SLC35E2B: variants seen among roughly 807,000 people sequenced by gnomAD.
SLC35E2B encodes solute carrier family 35, member E2B.
In SLC35E2B, 18 loss-of-function variants were observed where a neutral mutation model predicts 32.4. That is an observed-to-expected ratio of 0.56 (90% confidence interval 0.38 to 0.82). The LOEUF (loss-of-function observed/expected upper bound fraction) is 0.82, where lower values mean the gene tolerates loss of function less well. Among genes scored for constraint, SLC35E2B ranks in the 40% least tolerant of loss-of-function variants. The pLI is 0.00. For synonymous variants in SLC35E2B, 132 were observed against 209.1 expected (o/e 0.63, Z 3.18); for missense variants, 263 against 469.5 (o/e 0.56, Z 4.06).
In SLC35E2B at chr1:1,665,808, G is replaced by A. The variant is rs1643526638; in HGVS notation, c.1192C>T (p.Pro398Ser). The A allele has an allele frequency of 6.4e-7, 1 of 1,550,884 alleles. No homozygotes were observed. The highest frequency in any genetic ancestry group is 8.7e-7 in the Non-Finnish European group (1 of 1,146,946). ...CAGGGATGCTGCCTGGGGTCCTGTG[G>A]AAGCAGCGGCTCCACTGTGTCGTCT... ...APDDTVEPLL[P>S]QDPRQHP is the part of the protein sequence containing the mutation. The change falls in exon 10 of 10, where the codon CCA (proline) becomes TCA (serine). Residue 398 changes from proline to serine, a missense_variant. Physicochemically the swap from Pro to Ser is moderately conservative, Grantham distance 74. This residue lies in a region of SLC35E2B where 78 missense variants were observed against 71.1 expected (regional missense o/e 1.10). Coordinates refer to ENST00000617444, the MANE Select transcript of SLC35E2B (RefSeq NM_001290264.2).
At chr1:1,687,023 T>C (rs1369273277) in intron 2 of SLC35E2B, among the ~76,000 whole-genome samples, 3 of 152,058 alleles carry the variant, frequency 2.0e-5, no homozygotes, top group Admixed American at 6.6e-5. Context: ...GCCACTGCAC[T>C]CCAGCCTGGG....
At chr1:1,682,612 A>G (rs1478017268) in intron 2 of SLC35E2B, among the ~76,000 whole-genome samples, 4 of 152,036 alleles carry the variant, frequency 2.6e-5, no homozygotes, top group African/African-American at 7.2e-5. Context: ...AAAGTGCCTG[A>G]AAGAGGGAAT....
At chr1:1,687,038 A>C (rs1480234985) in intron 2 of SLC35E2B, among the ~76,000 whole-genome samples, 1 of 152,112 alleles carries the variant, frequency 6.6e-6, no homozygotes, top group African/African-American at 2.4e-5. Flanking sequence ...CCTGGGCCAC[A>C]GAGTGAGACT....
chr1:1,678,772 G>C (rs1167042839), intron 2 of SLC35E2B, among the ~76,000 whole-genome samples: 3 of 152,160 alleles, frequency 2.0e-5, no homozygotes, highest in African/African-American at 7.2e-5. Context: ...GTGACAACAA[G>C]CTGGGAGCTA....
intron 2 of SLC35E2B, among the ~76,000 whole-genome samples, chr1:1,684,065 G>A (rs1422910774): frequency 2.6e-5 from 4 of 152,078 alleles, no homozygotes; most frequent in South Asian, 2.1e-4. Context: ...GTCCACTCAC[G>A]TCTGGGGCAC....
intron 2 of SLC35E2B, among the ~76,000 whole-genome samples, chr1:1,681,472 G>T (rs1030125859): frequency 2.0e-5 from 3 of 151,452 alleles, no homozygotes; most frequent in Admixed American, 2.0e-4. Context: ...CTCCCAAAGT[G>T]CTGGGACTAC....
chr1:1,662,924 A>C lies in SLC35E2B; in HGVS notation c.*2858T>G. 1 of 858,154 alleles carries C rather than the reference A, an allele frequency of 1.2e-6. No individual in the cohort carries two copies. Among genetic ancestry groups the C allele is most frequent in the Non-Finnish European group, 1.4e-6 (1 of 711,582 alleles). The allele number at this position is 858,154 out of a possible 1,614,324, so 53.2% of individuals were successfully genotyped here. ...TACTATTCCAGAAAAGTATTACACA[A>C]AGTTATTTTAAAAAATGTCTGTACA... On this transcript the variant is annotated 3_prime_UTR_variant, in exon 10 of 10. Coordinates refer to ENST00000617444, the MANE Select transcript of SLC35E2B (RefSeq NM_001290264.2).
intron 2 of SLC35E2B, among the ~76,000 whole-genome samples, chr1:1,680,610 G>A (rs894261093): frequency 7.2e-5 from 11 of 152,184 alleles, no homozygotes; most frequent in South Asian, 2.1e-4. Context: ...TGACTGTCCC[G>A]TCCCTGCAGT....
chr1:1,674,854 G>C (rs1029608439), intron 5 of SLC35E2B, among the ~76,000 whole-genome samples: 1 of 152,118 alleles, frequency 6.6e-6, no homozygotes, highest in Non-Finnish European at 1.5e-5. Context: ...CCCCGACTCC[G>C]TTCAAGACGC....
At chr1:1,669,600 C>T (rs1315151821) in intron 8 of SLC35E2B, 64 bp downstream of exon 8, 34 of 1,446,736 alleles carry the variant, frequency 2.4e-5, no homozygotes, top group African/African-American at 5.7e-5. Context: ...AGTCATTCTG[C>T]TCCTGAATCA....
intron 5 of SLC35E2B, 30 bp downstream of exon 5, chr1:1,675,433 A>C: frequency 6.2e-7 from 1 of 1,610,714 alleles, no homozygotes; most frequent in South Asian, 1.1e-5. Flanking sequence ...GGTGGGGCGC[A>C]GGCGGAGGGG....
intron 8 of SLC35E2B, 51 bp downstream of exon 8, chr1:1,669,613 G>A (rs72634826): frequency 0.23 from 339,138 of 1,476,078 alleles, 42,147 homozygotes; most frequent in Non-Finnish European, 0.26. Context: ...CTGAATCACC[G>A]GAGAAGGCAG....
intron 6 of SLC35E2B, chr1:1,671,302 A>C (rs1204659251): frequency 2.2e-6 from 1 of 459,242 alleles, no homozygotes; most frequent in Non-Finnish European, 3.7e-6. Flanking sequence ...TTAAGTACCA[A>C]GACCGTCCAT....
intron 2 of SLC35E2B, among the ~76,000 whole-genome samples, chr1:1,677,538 C>T (rs1004519186): frequency 2.0e-5 from 3 of 148,374 alleles, no homozygotes; most frequent in African/African-American, 5.0e-5. Context: ...AGTGCAGAGG[C>T]GTGATCTGGG....
At chr1:1,686,491 T>A (rs1158522308) in intron 2 of SLC35E2B, among the ~76,000 whole-genome samples, 8 of 151,238 alleles carry the variant, frequency 5.3e-5, no homozygotes, top group Admixed American at 5.3e-4. Flanking sequence ...AAAATAAAAA[T>A]GAAAAAAAGA....
chr1:1,666,654 A>G (rs1055561543), intron 9 of SLC35E2B, among the ~76,000 whole-genome samples: 3 of 147,130 alleles, frequency 2.0e-5, no homozygotes, highest in Non-Finnish European at 3.0e-5. Flanking sequence ...GTGGGAGGCT[A>G]GGCGTGGGGG....
At chr1:1,687,345 G>A (rs140339544) in intron 2 of SLC35E2B, among the ~76,000 whole-genome samples, 199 of 152,294 alleles carry the variant, frequency 1.3e-3, no homozygotes, top group Middle Eastern at 3.4e-3. Flanking sequence ...GGGAGGCTGA[G>A]GCAGGCGGAT....
At position 1,670,240 on chromosome 1, in the gene SLC35E2B, T is replaced by C. The variant is rs1643651981; in HGVS notation, c.708-89A>G. Reference sequence around the variant, plus strand: ...AGGTGTCTGCGCTCACACGGAGCGATGGCGACAATGACCAGACCTCAGTGG... The same window carrying C: ...AGGTGTCTGCGCTCACACGGAGCGACGGCGACAATGACCAGACCTCAGTGG... On this transcript the variant is annotated intron_variant, in intron 6 of 9. Coordinates refer to ENST00000617444, the MANE Select transcript of SLC35E2B (RefSeq NM_001290264.2). 11 of 956,892 alleles carry C rather than the reference T, an allele frequency of 1.1e-5. No homozygotes were observed. The East Asian group carries it at 1.3e-4, about 11-fold the overall frequency. The allele number at this position is 956,892 out of a possible 1,614,324, so 59.3% of individuals were successfully genotyped here.
At chr1:1,682,499 CG>C (rs1183525848) in intron 2 of SLC35E2B, among the ~76,000 whole-genome samples, 4 of 152,112 alleles carry the variant, frequency 2.6e-5, no homozygotes, top group African/African-American at 7.2e-5. Flanking sequence ...CCCACCGGAG[CG>C]GGGGAAGACT....
Sources: gnomAD v4.1 joint callset for allele counts (sites outside exome capture counted in the v4.1 genomes callset) on GRCh38, gnomAD v4.1.1 for gene constraint, gnomAD v4.1.1 regional missense constraint, MANE v1.5 for transcripts, NCBI Gene and HGNC (gene_info 2026-07-23, HGNC 2026-07-21) for gene names.